The following AKAP13 variants were observed in gnomAD, a reference collection of about 807,000 sequenced individuals.
The protein encoded by AKAP13 is A-kinase anchoring protein 13.
Under a neutral mutation model 264.5 loss-of-function variants are expected in AKAP13, and 80 were observed. That is an observed-to-expected ratio of 0.30 (90% CI 0.25 to 0.36). AKAP13 has a LOEUF of 0.36. Ranked by LOEUF, AKAP13 falls within the 10% of genes least tolerant of loss-of-function variation. The probability of loss-of-function intolerance (pLI) is 1.00; values close to 1 mark genes in which losing one functional copy is unlikely to be tolerated. For missense variants in AKAP13, 3,712 were observed against 3,435.2 expected (o/e 1.08, Z -2.01); for synonymous variants, 1,380 against 1,250.2 (o/e 1.10, Z -2.19).
intron 1 of AKAP13, among the ~76,000 whole-genome samples, chr15:85,440,742 A>G (rs1187606531): frequency 6.6e-6 from 1 of 152,210 alleles, no homozygotes; most frequent in Non-Finnish European, 1.5e-5. Context: ...AGAGCCATCC[A>G]GTTACTCTTG....
At chr15:85,572,365 C>T (rs910961436) in intron 5 of AKAP13, among the ~76,000 whole-genome samples, 4 of 152,184 alleles carry the variant, frequency 2.6e-5, no homozygotes, top group African/African-American at 9.7e-5. Context: ...TTGAAAGCTA[C>T]ATTGATAGAG....
At chr15:85,419,748 A>C (rs2150894929) in intron 1 of AKAP13, among the ~76,000 whole-genome samples, 1 of 152,246 alleles carries the variant, frequency 6.6e-6, no homozygotes, top group South Asian at 2.1e-4. Flanking sequence ...AGTAATCAAC[A>C]TATGTATGTA....
chr15:85,391,300 G>C (rs730439), intron 1 of AKAP13, among the ~76,000 whole-genome samples: 76,979 of 151,962 alleles, frequency 0.51, 19,920 homozygotes, highest in Admixed American at 0.59. Flanking sequence ...TTTGTAGTCT[G>C]TAAGGATATT....
chr15:85,617,110 A>G (rs943318298), intron 8 of AKAP13, among the ~76,000 whole-genome samples: 2 of 152,268 alleles, frequency 1.3e-5, no homozygotes, highest in Non-Finnish European at 2.9e-5. Flanking sequence ...TCCTGAAGAC[A>G]GACACCTTGT....
At chr15:85,391,577 T>C (rs974826039) in intron 1 of AKAP13, among the ~76,000 whole-genome samples, 2 of 144,576 alleles carry the variant, frequency 1.4e-5, no homozygotes, top group Non-Finnish European at 3.0e-5. Flanking sequence ...CTCTCCCTTC[T>C]GGGCTCAAGT....
chr15:85,571,173 C>T (rs1237819302), intron 5 of AKAP13, among the ~76,000 whole-genome samples: 1 of 152,080 alleles, frequency 6.6e-6, no homozygotes, highest in African/African-American at 2.4e-5. Flanking sequence ...CTGAATGGAA[C>T]TTTTGAAGCA....
chr15:85,568,402 C>A (rs1039176858), intron 5 of AKAP13, among the ~76,000 whole-genome samples: 1 of 152,060 alleles, frequency 6.6e-6, no homozygotes, highest in Non-Finnish European at 1.5e-5. Flanking sequence ...GTAAGCCAGA[C>A]CGAAAGATGG....
intron 16 of AKAP13, among the ~76,000 whole-genome samples, chr15:85,689,463 G>A (rs572985898): frequency 7.9e-5 from 12 of 152,294 alleles, no homozygotes; most frequent in African/African-American, 2.6e-4. Context: ...ACCTTTGATA[G>A]TGTCCTAGTG....
At chr15:85,691,494 C>T (rs2085284192) in intron 16 of AKAP13, among the ~76,000 whole-genome samples, 1 of 152,200 alleles carries the variant, frequency 6.6e-6, no homozygotes, top group Non-Finnish European at 1.5e-5. Flanking sequence ...CGTTCCTCTT[C>T]ATGACTGTGT....
At chr15:85,562,437 C>T (rs988408707) in intron 5 of AKAP13, among the ~76,000 whole-genome samples, 2 of 150,640 alleles carry the variant, frequency 1.3e-5, no homozygotes, top group African/African-American at 2.4e-5. Flanking sequence ...TGGTGGCAAG[C>T]GCCTGTAATC....
At chr15:85,654,584 T>C (rs2083012388) in intron 10 of AKAP13, among the ~76,000 whole-genome samples, 1 of 152,132 alleles carries the variant, frequency 6.6e-6, no homozygotes, top group Non-Finnish European at 1.5e-5. Context: ...CCCAGCACTT[T>C]GGGAAGCCAA....
At position 85,693,471 on chromosome 15, in the gene AKAP13, C is replaced by T; in HGVS notation, c.5464+20C>T. ...GTGCAAGTAAGAGACATGCTTCTTC[C>T]TCTCGTAAGATGGAACTCTCTTGGC... On this transcript the variant is annotated intron_variant, in intron 17 of 36. Transcript: ENST00000394518. 6 of 1,609,494 alleles carry T rather than the reference C, an allele frequency of 3.7e-6. No homozygotes were observed. The Middle Eastern group carries it at 5.0e-4, about 133-fold the overall frequency.
At chr15:85,442,526 A>ATATAT in intron 1 of AKAP13, among the ~76,000 whole-genome samples, 1 of 110,068 alleles carries the variant, frequency 9.1e-6, no homozygotes, top group Admixed American at 9.9e-5. Flanking sequence ...ATATTATATT[A>ATATAT]TATATAATAT....
intron 33 of AKAP13, among the ~76,000 whole-genome samples, chr15:85,739,927 G>A (rs367722719): frequency 9.9e-5 from 15 of 152,176 alleles, no homozygotes; most frequent in Middle Eastern, 6.8e-3. Flanking sequence ...GTTCTGTTGC[G>A]TTGATATGTA....
chr15:85,661,423 A>T (rs754817825), intron 12 of AKAP13, among the ~76,000 whole-genome samples: 2 of 152,020 alleles, frequency 1.3e-5, no homozygotes, highest in East Asian at 3.9e-4. Flanking sequence ...CCTTTTTTTT[A>T]AATTTTTATT....
At chr15:85,501,379 T>G (rs2151092252) in intron 2 of AKAP13, among the ~76,000 whole-genome samples, 1 of 152,356 alleles carries the variant, frequency 6.6e-6, no homozygotes, top group Middle Eastern at 3.4e-3. Flanking sequence ...GAATACAAAG[T>G]AATTCTTCTC....
At chr15:85,528,803 A>C (rs2077162096) in intron 3 of AKAP13, among the ~76,000 whole-genome samples, 1 of 152,204 alleles carries the variant, frequency 6.6e-6, no homozygotes, top group Admixed American at 6.5e-5. Context: ...AATTTAAAAT[A>C]CGGAATTAAA....
intron 5 of AKAP13, among the ~76,000 whole-genome samples, chr15:85,552,043 A>C (rs1207236237): frequency 1.3e-5 from 2 of 152,256 alleles, no homozygotes; most frequent in East Asian, 3.8e-4. Context: ...AAACATTTTC[A>C]CTAAAACCAT....
chr15:85,709,554 T>C (rs1293942587), intron 18 of AKAP13, among the ~76,000 whole-genome samples: 1 of 152,216 alleles, frequency 6.6e-6, no homozygotes, highest in Non-Finnish European at 1.5e-5. Context: ...TTTGAGTTTG[T>C]GATCTCTGAT....
Sources: allele counts gnomAD v4.1 joint callset (sites outside exome capture counted in the v4.1 genomes callset), GRCh38; gene constraint gnomAD v4.1.1; transcripts MANE v1.5; gene names NCBI Gene and HGNC (gene_info 2026-07-23, HGNC 2026-07-21).